Variants in RYR2 observed in about 807,000 individuals in gnomAD.
RYR2 encodes the protein cardiac muscle ryanodine receptor-calcium release channel.
A neutral mutation model predicts 601.1 loss-of-function variants in RYR2; 227 were observed. The ratio of observed to expected loss-of-function variants is 0.38; its 90% CI spans 0.34 to 0.42. The LOEUF is 0.42. Among genes scored for constraint, RYR2 ranks in the 10% least tolerant of loss-of-function variants. The pLI, the probability that RYR2 is intolerant of heterozygous loss-of-function variation, is 1.00. For missense variants in RYR2, 4,646 were observed against 6,156.5 expected, an observed-to-expected ratio of 0.75 and a Z score of 8.21; for synonymous variants, 2,223 against 2,175.1, an observed-to-expected ratio of 1.02 and a Z score of -0.61.
At chr1:237,770,214 A>G (rs765362978) in intron 84 of RYR2, among the ~76,000 whole-genome samples, 15 of 152,148 alleles carry the variant, frequency 9.9e-5, no homozygotes, top group Non-Finnish European at 1.9e-4. Flanking sequence ...AACCAGTCAC[A>G]TCTCTATTTT....
At chr1:237,200,678 T>C (rs1195432273) in intron 1 of RYR2, among the ~76,000 whole-genome samples, 1 of 152,210 alleles carries the variant, frequency 6.6e-6, no homozygotes, top group Non-Finnish European at 1.5e-5. Flanking sequence ...TTTTTAATAA[T>C]GGTGAGCAAA....
At chr1:237,592,070 A>C (rs1243923587) in intron 32 of RYR2, among the ~76,000 whole-genome samples, 3 of 152,232 alleles carry the variant, frequency 2.0e-5, no homozygotes, top group Non-Finnish European at 2.9e-5. Flanking sequence ...AAATATTTGT[A>C]ATGGCATGCA....
At chr1:237,613,955 C>T (rs1005770766) in intron 36 of RYR2, 84 bp from the exon 37 acceptor site, 1 of 1,276,126 alleles carries the variant, frequency 7.8e-7, no homozygotes, top group Non-Finnish European at 1.1e-6. Context: ...TTCAAATTTA[C>T]AGTGCATACT....
chr1:237,487,075 C>T (rs1270491369), intron 17 of RYR2, among the ~76,000 whole-genome samples: 1 of 152,006 alleles, frequency 6.6e-6, no homozygotes, highest in Non-Finnish European at 1.5e-5. Flanking sequence ...ATAATTCTTT[C>T]ATTCCATAAT....
intron 8 of RYR2, among the ~76,000 whole-genome samples, chr1:237,386,513 C>T (rs751307239): frequency 6.6e-6 from 1 of 152,178 alleles, no homozygotes; most frequent in Non-Finnish European, 1.5e-5. Context: ...GCGATGTTTA[C>T]TGAGAAGACT....
At chr1:237,308,292 A>C (rs751164688) in intron 2 of RYR2, among the ~76,000 whole-genome samples, 6 of 152,294 alleles carry the variant, frequency 3.9e-5, no homozygotes, top group East Asian at 1.9e-4. Context: ...ACATCTCCCC[A>C]TATATACAAG....
intron 2 of RYR2, among the ~76,000 whole-genome samples, chr1:237,272,053 C>G (rs1689742021): frequency 1.3e-5 from 2 of 152,042 alleles, no homozygotes; most frequent in African/African-American, 4.8e-5. Context: ...TCCCTTAAAC[C>G]CAGGAAGCGA....
chr1:237,643,612 T>C, intron 48 of RYR2, among the ~76,000 whole-genome samples, 165 bp downstream of exon 48: 1 of 48,198 alleles, frequency 2.1e-5, no homozygotes, highest in South Asian at 4.2e-4. Flanking sequence ...TATTTTATAA[T>C]TTTTTCCTTT....
chr1:237,660,802 T>G lies in RYR2; in HGVS notation c.8299-8T>G. ...TATATCTGTTGTTTCTTGTTTTTTC[T>G]TCTCTAGGAAAAAGAAATTTATCGC... On this transcript the variant is annotated splice_polypyrimidine_tract_variant and splice_region_variant and intron_variant, in intron 55 of 104. Coordinates refer to ENST00000366574, the MANE Select transcript of RYR2 (RefSeq NM_001035.3). 6.5e-7 allele frequency: 1 copy of G among 1,537,200 alleles called. No homozygotes were observed. The highest frequency in any genetic ancestry group is 8.8e-7 in the Non-Finnish European group (1 of 1,138,502).
intron 49 of RYR2, 134 bp downstream of exon 49, chr1:237,648,747 G>A: frequency 1.9e-6 from 2 of 1,057,904 alleles, no homozygotes; most frequent in Non-Finnish European, 2.6e-6. Context: ...TTTCAGGTAA[G>A]CCATGGGTAA....
intron 10 of RYR2, among the ~76,000 whole-genome samples, chr1:237,399,763 G>A (rs1489574295): frequency 6.6e-6 from 1 of 152,122 alleles, no homozygotes; most frequent in Non-Finnish European, 1.5e-5. Flanking sequence ...GTGGGGGAGG[G>A]GAGGGGAGGT....
At chr1:237,302,306 T>TAA (rs1693434424) in intron 2 of RYR2, among the ~76,000 whole-genome samples, 2 of 152,196 alleles carry the variant, frequency 1.3e-5, no homozygotes, top group African/African-American at 2.4e-5. Flanking sequence ...CTTAATGGCT[T>TAA]AACATAAGTC....
chr1:237,478,515 T>C (rs542992555), intron 17 of RYR2, among the ~76,000 whole-genome samples: 1 of 152,238 alleles, frequency 6.6e-6, no homozygotes, highest in Non-Finnish European at 1.5e-5. Context: ...ATTTGATTTA[T>C]TAAAAGCAAG....
At chr1:237,697,873 A>G (rs1402665570) in intron 63 of RYR2, among the ~76,000 whole-genome samples, 1 of 152,128 alleles carries the variant, frequency 6.6e-6, no homozygotes, top group African/African-American at 2.4e-5. Flanking sequence ...GCACAAGATG[A>G]GGGAATATTT....
At chr1:237,532,396 A>G (rs1668222238) in intron 25 of RYR2, among the ~76,000 whole-genome samples, 1 of 152,144 alleles carries the variant, frequency 6.6e-6, no homozygotes, top group Non-Finnish European at 1.5e-5. Context: ...TTATTATGAA[A>G]AATCATATTT....
chr1:237,064,326 T>A (rs10802584), intron 1 of RYR2, among the ~76,000 whole-genome samples: 148,381 of 152,198 alleles, frequency 0.97, 72,427 homozygotes, highest in Middle Eastern at 1. Context: ...TAGTAATTGG[T>A]TTTACATTTG....
intron 80 of RYR2, chr1:237,743,725 G>T: frequency 2.2e-6 from 1 of 452,512 alleles, no homozygotes; most frequent in South Asian, 1.7e-5. Context: ...TTGTGAAAAG[G>T]AGGTCTTGAA....
chr1:237,760,389 C>T (rs1261334396), intron 83 of RYR2, among the ~76,000 whole-genome samples: 1 of 144,490 alleles, frequency 6.9e-6, no homozygotes, highest in African/African-American at 2.5e-5. Context: ...AAAAAGCCTT[C>T]CCCGTGTTTA....
chr1:237,056,599 C>CTGCACCTGTGAGGACTGGAGCAT (rs1662128551), intron 1 of RYR2, among the ~76,000 whole-genome samples: 1 of 138,110 alleles, frequency 7.2e-6, no homozygotes. Flanking sequence ...GACTGCAGCA[C>CTGCACCTGTGAGGACTGGAGCAT]TGCACCTGTG....
Sources: gnomAD v4.1 joint callset for allele counts (sites outside exome capture counted in the v4.1 genomes callset) on GRCh38, gnomAD v4.1.1 for gene constraint, MANE v1.5 for transcripts, NCBI Gene and HGNC (gene_info 2026-07-23, HGNC 2026-07-21) for gene names.